The following PDE2A variants were observed in gnomAD, a reference collection of about 807,000 sequenced individuals.
The protein encoded by PDE2A is phosphodiesterase 2A.
PDE2A carries 53 observed loss-of-function variants against 133.6 expected under a neutral mutation model. The ratio of observed to expected loss-of-function variants is 0.40; its 90% CI spans 0.32 to 0.50. The LOEUF is 0.50. PDE2A is among the 20% of genes least tolerant of loss of function. PDE2A has a pLI of 0.73. For missense variants in PDE2A, 796 were observed against 1,232.4 expected (o/e 0.65, Z 5.30); for synonymous variants, 491 against 490.2 (o/e 1.00, Z -0.02).
At chr11:72,599,210 T>C (rs1201677627) in intron 4 of PDE2A, among the ~76,000 whole-genome samples, 1 of 152,088 alleles carries the variant, frequency 6.6e-6, no homozygotes, top group Non-Finnish European at 1.5e-5. Flanking sequence ...TTGGCCTCTC[T>C]TTCCCAGGAC....
chr11:72,651,173 G>A (rs545221236), intron 1 of PDE2A, among the ~76,000 whole-genome samples: 5 of 152,258 alleles, frequency 3.3e-5, no homozygotes, highest in East Asian at 3.9e-4. Context: ...CTGTGAATGC[G>A]AGAACCTGGG....
intron 2 of PDE2A, 41 bp from the exon 3 acceptor site, chr11:72,608,792 G>T (rs546552980): frequency 1.7e-6 from 2 of 1,158,362 alleles, no homozygotes; most frequent in Admixed American, 2.0e-5. Context: ...TTGCCAGGCA[G>T]GCCAGGGCAG....
intron 2 of PDE2A, among the ~76,000 whole-genome samples, chr11:72,609,573 C>T (rs1857112840): frequency 6.6e-6 from 1 of 152,198 alleles, no homozygotes; most frequent in African/African-American, 2.4e-5. Context: ...AGAACTCGTC[C>T]TTGCAGAGCC....
At chr11:72,631,023 A>C (rs1358602369) in intron 2 of PDE2A, 1 of 1,385,496 alleles carries the variant, frequency 7.2e-7, no homozygotes, top group East Asian at 2.5e-5. Context: ...ACTGATCTTC[A>C]GTCTGCGCCC....
chr11:72,608,718 T>C lies in PDE2A; in HGVS notation c.178A>G (p.Ile60Val). 1.3e-6 allele frequency: 2 copies of C among 1,573,968 alleles called. No individual in the cohort carries two copies. The highest frequency in any genetic ancestry group is 1.7e-6 in the Non-Finnish European group (2 of 1,159,254). ...ALLSLGSVID[I>V]SGLQRAVKEA... ...TTGACAGCACGTTGCAGGCCTGAAA[T>C]GTCGATGACAGAGCCCAGACTCAGC... The change falls in exon 3 of 31, where the codon ATT becomes GTT. Residue 60 changes from isoleucine to valine, a missense_variant. This residue lies in a region of PDE2A where 417 missense variants were observed against 475.3 expected (regional missense o/e 0.88). Transcript: ENST00000334456.
chr11:72,579,703 G>C, intron 25 of PDE2A, 95 bp from the exon 26 acceptor site: 1 of 841,926 alleles, frequency 1.2e-6, no homozygotes, highest in Non-Finnish European at 1.9e-6. Flanking sequence ...TCCAGCTCCA[G>C]CCCCCAGGTC....
chr11:72,589,964 C>T lies in PDE2A; in HGVS notation c.774G>A (p.Arg258=), dbSNP rs987092234. The T allele has an allele frequency of 6.2e-7, 1 of 1,612,706 alleles. No homozygotes were observed. The highest frequency in any genetic ancestry group is 1.3e-5 in the African/African-American group (1 of 75,032). ...CCAGCAGGAGGCAGCAGCGGGATGC[C>T]CGGGTCTCCTGCTGCAGCTGAGAGA... The part of the protein sequence containing the change: ...KVLQYLQQET[R]ASRCCLLLVS... The change falls in exon 10 of 31, where the codon CGG becomes CGA. Residue 258 remains arginine (R), a synonymous_variant. Coordinates refer to ENST00000334456, the MANE Select transcript of PDE2A (RefSeq NM_002599.5).
chr11:72,591,303 C>A lies in PDE2A; in HGVS notation c.543G>T (p.Glu181Asp). The A allele has an allele frequency of 1.2e-6, 2 of 1,613,498 alleles. No homozygotes were observed. Among genetic ancestry groups the A allele is most frequent in the Non-Finnish European group, 1.7e-6 (2 of 1,179,396 alleles). The change falls in exon 7 of 31, where the codon GAG becomes GAT. Residue 181 changes from glutamate to aspartate, a missense_variant. By Grantham distance (45) the Glu-to-Asp change is conservative (BLOSUM62 2). This residue lies in a region of PDE2A where 417 missense variants were observed against 475.3 expected (regional missense o/e 0.88). Coordinates refer to ENST00000334456, the MANE Select transcript of PDE2A (RefSeq NM_002599.5). ...TGGCCCCACTCCCACTCACATGCTT[C>A]TCCACCGCCTGCAGGCTCCATTCCT... ...DNEEWSLQAV[E>D]KHTLVALRRV...
chr11:72,622,216 A>T (rs1439321191), intron 2 of PDE2A, among the ~76,000 whole-genome samples: 1 of 152,222 alleles, frequency 6.6e-6, no homozygotes, highest in Non-Finnish European at 1.5e-5. Flanking sequence ...AAAATAACAC[A>T]TGTTGGCAAG....
At chr11:72,607,585 C>T (rs1176547613) in intron 3 of PDE2A, among the ~76,000 whole-genome samples, 1 of 152,164 alleles carries the variant, frequency 6.6e-6, no homozygotes, top group African/African-American at 2.4e-5. Context: ...GAAGGCAGAG[C>T]TGAGGAGAGG....
chr11:72,586,030 C>G (rs748911788), intron 14 of PDE2A, 40 bp downstream of exon 14: 8 of 1,195,886 alleles, frequency 6.7e-6, no homozygotes, highest in Non-Finnish European at 9.8e-6. Context: ...GAAAACTGAG[C>G]GAGTCGGTGC....
rs1332586468 is a variant in PDE2A, at chr11:72,621,068, G to A, written c.145-12317C>T. 3.3e-5 allele frequency among the ~76,000 whole-genome samples: 5 copies of A among 152,228 alleles called. No individual in the cohort carries two copies. In the East Asian group the frequency reaches 9.6e-4, roughly 29 times the overall value. On this transcript the variant is annotated intron_variant, in intron 2 of 30. Transcript: ENST00000334456. ...GCACTGCTTCATGCAATCCTCCTAA[G>A]AGCTCCCATTTTATACTTGAGGAAA...
At chr11:72,591,812 T>C (rs1319176706) in intron 6 of PDE2A, among the ~76,000 whole-genome samples, 2 of 152,200 alleles carry the variant, frequency 1.3e-5, no homozygotes, top group Non-Finnish European at 2.9e-5. Context: ...GCACCTGCCA[T>C]GGTGAGGATG....
chr11:72,589,168 G>A lies in PDE2A; in HGVS notation c.939+7C>T, dbSNP rs1389163092. The A allele has an allele frequency of 1.2e-6, 2 of 1,611,930 alleles. No individual in the cohort carries two copies. Among genetic ancestry groups the A allele is most frequent in the East Asian group, 4.5e-5 (2 of 44,872 alleles). On this transcript the variant is annotated splice_region_variant and intron_variant, in intron 12 of 30. Coordinates refer to ENST00000334456, the MANE Select transcript of PDE2A (RefSeq NM_002599.5). ...TTCCCCTCTGGGTCAGCCAGGCCAT[G>A]ACTTACGGAGGTGAGGTCCTTCAGC...
intron 1 of PDE2A, among the ~76,000 whole-genome samples, chr11:72,660,495 C>T (rs917151774): frequency 6.6e-6 from 1 of 152,194 alleles, no homozygotes; most frequent in African/African-American, 2.4e-5. Context: ...CCTGCTCTCA[C>T]GCAACCTGGA....
At chr11:72,649,039 A>G (rs1854647759) in intron 1 of PDE2A, among the ~76,000 whole-genome samples, 2 of 152,022 alleles carry the variant, frequency 1.3e-5, no homozygotes, top group African/African-American at 4.8e-5. Flanking sequence ...ATGGCTTCCT[A>G]TTGCCAGCAG....
intron 1 of PDE2A, chr11:72,658,168 C>T (rs1240514760): frequency 4.4e-6 from 2 of 455,162 alleles, no homozygotes; most frequent in Non-Finnish European, 8.8e-6. Flanking sequence ...TTCAGGATGC[C>T]CCACCCCGAC....
At chr11:72,623,895 T>C (rs1376555042) in intron 2 of PDE2A, among the ~76,000 whole-genome samples, 1 of 152,102 alleles carries the variant, frequency 6.6e-6, no homozygotes, top group Non-Finnish European at 1.5e-5. Flanking sequence ...CCAGTTGCTC[T>C]ACCCACCTTC....
rs77042715 is a variant in PDE2A, at chr11:72,630,873, C to T, written c.144+11381G>A. On this transcript the variant is annotated intron_variant, in intron 2 of 30. Transcript: ENST00000334456. ...CCCAGGTGAGTTGGGAGGAGGAATC[C>T]TCATGGGAGGACTTCCAGGCTGGGG... is the stretch of plus-strand genomic sequence containing the variant. Among the ~76,000 whole-genome samples the T allele has an allele frequency of 3.5e-4, 53 of 151,898 alleles. 1 individual carries two copies. In the East Asian group the frequency reaches 0.01, roughly 30 times the overall value.
Sources: allele counts gnomAD v4.1 joint callset (sites outside exome capture counted in the v4.1 genomes callset), GRCh38; gene constraint gnomAD v4.1.1; regional missense constraint gnomAD v4.1.1; transcripts MANE v1.5; gene names NCBI Gene and HGNC (gene_info 2026-07-23, HGNC 2026-07-21).